Variants in TBC1D32 observed in about 807,000 individuals in gnomAD.
The protein encoded by TBC1D32 is TBC1 domain family member 32.
A neutral mutation model predicts 170.3 loss-of-function variants in TBC1D32; 151 were observed. The observed-to-expected ratio is 0.89, with a 90% CI of 0.78 to 1.01. The LOEUF is 1.01. Among genes scored for constraint, TBC1D32 ranks in the 50% least tolerant of loss-of-function variants. The probability of loss-of-function intolerance (pLI) is 0.00; values close to 1 mark genes in which losing one functional copy is unlikely to be tolerated. For synonymous variants in TBC1D32, 498 were observed against 488.0 expected, an observed-to-expected ratio of 1.02 and a Z score of -0.27; for missense variants, 1,464 against 1,457.1, an observed-to-expected ratio of 1.00 and a Z score of -0.08.
intron 15 of TBC1D32, among the ~76,000 whole-genome samples, chr6:121,264,150 G>GT (rs1485683189): frequency 6.6e-6 from 1 of 151,922 alleles, no homozygotes; most frequent in Non-Finnish European, 1.5e-5. Flanking sequence ...TCCAGGAGCT[G>GT]TTTTCTTGAA....
chr6:121,243,299 A>G (rs1268271028), intron 17 of TBC1D32, among the ~76,000 whole-genome samples: 1 of 152,162 alleles, frequency 6.6e-6, no homozygotes, highest in Non-Finnish European at 1.5e-5. Context: ...TCAGAACAGT[A>G]GAAAGTAAAA....
chr6:121,269,683 G>A (rs1801077787), intron 15 of TBC1D32, among the ~76,000 whole-genome samples: 2 of 152,132 alleles, frequency 1.3e-5, no homozygotes. Flanking sequence ...ACACCCCACT[G>A]TCAACATTAG....
rs1468039802 is a variant in TBC1D32, at chr6:121,198,517, C to T, written c.2570+6558G>A. On this transcript the variant is annotated intron_variant, in intron 22 of 31. Coordinates refer to ENST00000398212, the MANE Select transcript of TBC1D32 (RefSeq NM_152730.6). ...CAGTAATCCCAGCACTTTGGGAGGCCGAGATGGATGGATCACGAGCTCAGG... is the reference window on the plus strand; with the variant it reads ...CAGTAATCCCAGCACTTTGGGAGGCTGAGATGGATGGATCACGAGCTCAGG... Among the ~76,000 whole-genome samples, 3 of 150,452 alleles carry T rather than the reference C, an allele frequency of 2.0e-5. 1 individual carries two copies. Among genetic ancestry groups the T allele is most frequent in the African/African-American group, 7.5e-5 (3 of 40,120 alleles).
intron 21 of TBC1D32, among the ~76,000 whole-genome samples, chr6:121,215,445 C>G (rs184042821): frequency 6.6e-6 from 1 of 152,206 alleles, no homozygotes; most frequent in Non-Finnish European, 1.5e-5. Flanking sequence ...AGATGGGCCA[C>G]CACTGCCATC....
intron 22 of TBC1D32, among the ~76,000 whole-genome samples, chr6:121,194,968 C>T (rs1326941942): frequency 6.6e-6 from 1 of 152,194 alleles, no homozygotes. Flanking sequence ...AGTAAAATGT[C>T]TAGGGGTCCA....
chr6:121,272,898 G>C (rs1221916926), intron 15 of TBC1D32, among the ~76,000 whole-genome samples: 1 of 152,158 alleles, frequency 6.6e-6, no homozygotes, highest in Admixed American at 6.6e-5. Context: ...AGAAAATGTG[G>C]CACATATACA....
intron 19 of TBC1D32, 51 bp downstream of exon 19, chr6:121,241,414 C>A: frequency 6.7e-7 from 1 of 1,483,970 alleles, no homozygotes; most frequent in East Asian, 2.5e-5. Context: ...AGTTGGCTTG[C>A]TCATTTTATC....
rs765758059 is a variant in TBC1D32, at chr6:121,281,677, G to A, written c.1475C>T (p.Ser492Phe). 3.9e-5 allele frequency: 62 copies of A among 1,587,476 alleles called. No individual in the cohort carries two copies. The highest frequency in any genetic ancestry group is 4.9e-5 in the Non-Finnish European group (57 of 1,167,160). Residue 492 changes from serine (S) to phenylalanine (F), a missense_variant, in exon 14 of 32, where the codon TCT becomes TTT. Physicochemically the swap from Ser to Phe is radical, Grantham distance 155. Transcript: ENST00000398212. ...AACTTCAGTCACCATACTTGCAGGA[G>A]AGTAATTCTCTAATAAACAATAAAT... ...MTSAAHSENY[S>F]PASMVTEVLW...
intron 22 of TBC1D32, among the ~76,000 whole-genome samples, chr6:121,172,376 C>T (rs1242545821): frequency 6.6e-6 from 1 of 152,148 alleles, no homozygotes; most frequent in Admixed American, 6.5e-5. Context: ...CAGTGTACTA[C>T]TCCACAATGG....
At chr6:121,114,027 A>G (rs767167952) in intron 27 of TBC1D32, among the ~76,000 whole-genome samples, 1 of 152,178 alleles carries the variant, frequency 6.6e-6, no homozygotes, top group Non-Finnish European at 1.5e-5. Context: ...TACAAAAATT[A>G]GCTGGGCATG....
At chr6:121,168,960 G>T (rs185763746) in intron 22 of TBC1D32, among the ~76,000 whole-genome samples, 2 of 152,128 alleles carry the variant, frequency 1.3e-5, no homozygotes, top group African/African-American at 4.8e-5. Flanking sequence ...TCATGAATAG[G>T]AAGAATCAGT....
chr6:121,295,289 C>A (rs1399198097), intron 10 of TBC1D32, among the ~76,000 whole-genome samples: 185 of 108,452 alleles, frequency 1.7e-3, no homozygotes, highest in African/African-American at 2.4e-3. Flanking sequence ...ATCCTAATTC[C>A]AAAAAAAAAA....
Position 121,116,320 on chromosome 6 carries a change from T to C in TBC1D32, c.2984-1079A>G, listed in dbSNP as rs1158243573. Among the ~76,000 whole-genome samples, 3 of 152,096 alleles carry C rather than the reference T, an allele frequency of 2.0e-5. No homozygotes were observed. In the East Asian group the frequency reaches 5.8e-4, roughly 29 times the overall value. Reference sequence around the variant, plus strand: ...GCAAGAAGCTATGAGGGATAAAAGATAAATCATACCCTAAAAACCTGTCCA... The same window carrying C: ...GCAAGAAGCTATGAGGGATAAAAGACAAATCATACCCTAAAAACCTGTCCA... On this transcript the variant is annotated intron_variant, in intron 26 of 31. Transcript: ENST00000398212.
chr6:121,289,096 G>A (rs1321577876), intron 12 of TBC1D32, among the ~76,000 whole-genome samples: 1 of 152,158 alleles, frequency 6.6e-6, no homozygotes, highest in African/African-American at 2.4e-5. Flanking sequence ...ACTGGCACAA[G>A]ACAAGGATGC....
At chr6:121,234,351 AT>A (rs1296791116) in intron 20 of TBC1D32, among the ~76,000 whole-genome samples, 1 of 152,102 alleles carries the variant, frequency 6.6e-6, no homozygotes, top group Non-Finnish European at 1.5e-5. Flanking sequence ...AACACCAATT[AT>A]TCTTAGGCTC....
chr6:121,184,121 G>C (rs930155175), intron 22 of TBC1D32, among the ~76,000 whole-genome samples: 4 of 152,056 alleles, frequency 2.6e-5, no homozygotes, highest in Non-Finnish European at 5.9e-5. Flanking sequence ...TTGGCCAAAT[G>C]TGAATGTCAG....
intron 22 of TBC1D32, among the ~76,000 whole-genome samples, chr6:121,162,476 G>C (rs1367907568): frequency 6.6e-6 from 1 of 152,100 alleles, no homozygotes; most frequent in Non-Finnish European, 1.5e-5. Flanking sequence ...GTGAGCATTA[G>C]CCTTGAAAAC....
At chr6:121,299,030 A>G (rs986245583) in intron 10 of TBC1D32, among the ~76,000 whole-genome samples, 1 of 152,030 alleles carries the variant, frequency 6.6e-6, no homozygotes, top group Admixed American at 6.6e-5. Flanking sequence ...TATAACTCAA[A>G]CCAATTATTG....
intron 20 of TBC1D32, among the ~76,000 whole-genome samples, chr6:121,236,164 G>T: frequency 6.7e-6 from 1 of 149,208 alleles, no homozygotes. Context: ...TTATGTATGA[G>T]CTATACCTCT....
Sources: gnomAD v4.1 joint callset for allele counts (sites outside exome capture counted in the v4.1 genomes callset) on GRCh38, gnomAD v4.1.1 for gene constraint, MANE v1.5 for transcripts, NCBI Gene and HGNC (gene_info 2026-07-23, HGNC 2026-07-21) for gene names.